The following PTPRD variants were observed in gnomAD, a reference collection of about 807,000 sequenced individuals.
PTPRD encodes the protein protein tyrosine phosphatase receptor type D, also known as receptor-type tyrosine-protein phosphatase delta.
A neutral mutation model predicts 214.5 loss-of-function variants in PTPRD; 34 were observed. That is an observed-to-expected ratio of 0.16 (90% CI 0.12 to 0.21). The LOEUF is 0.21. PTPRD is among the 10% of genes least tolerant of loss of function. The probability of loss-of-function intolerance (pLI) is 1.00; values close to 1 mark genes in which losing one functional copy is unlikely to be tolerated. For missense variants in PTPRD, 2,545 were observed against 2,398.7 expected, an observed-to-expected ratio of 1.06 and a Z score of -1.27; for synonymous variants, 1,128 against 845.7, an observed-to-expected ratio of 1.33 and a Z score of -5.79.
intron 3 of PTPRD, among the ~76,000 whole-genome samples, chr9:10,073,306 G>A (rs1394254393): frequency 6.6e-6 from 1 of 152,056 alleles, no homozygotes; most frequent in East Asian, 1.9e-4. Flanking sequence ...AGTAGGGTGA[G>A]CAGAAGGGGC....
intron 11 of PTPRD, among the ~76,000 whole-genome samples, chr9:8,770,966 T>C (rs933957832): frequency 6.6e-6 from 1 of 151,914 alleles, no homozygotes; most frequent in Non-Finnish European, 1.5e-5. Flanking sequence ...GATCACAAGG[T>C]CAGGAGATTG....
At chr9:8,886,614 C>T (rs1017177701) in intron 11 of PTPRD, among the ~76,000 whole-genome samples, 1 of 152,108 alleles carries the variant, frequency 6.6e-6, no homozygotes, top group Non-Finnish European at 1.5e-5. Flanking sequence ...TTAAATAATT[C>T]AAGTTTTAAA....
chr9:8,449,802 A>G lies in PTPRD; in HGVS notation c.3911T>C (p.Ile1304Thr), dbSNP rs750416132. Residue 1304 changes from isoleucine to threonine, a missense_variant, in exon 34 of 46, where the codon ATA (isoleucine) becomes ACA (threonine). Physicochemically the swap from Ile to Thr is moderately conservative, Grantham distance 89. Coordinates refer to ENST00000381196, the MANE Select transcript of PTPRD (RefSeq NM_002839.4). ...RAESDSRKSS[I>T]PNNKEIPSHH... is the part of the protein sequence containing the mutation. ...TGAAGGGATCTCCTTATTGTTCGGT[A>G]TGCTGCTTTTTCTAGAGTCGGACTC... is the stretch of plus-strand genomic sequence containing the variant. 4 of 1,614,072 alleles carry G rather than the reference A, an allele frequency of 2.5e-6. No homozygotes were observed. The highest frequency in any genetic ancestry group is 8.5e-7 in the Non-Finnish European group (1 of 1,179,948).
chr9:9,192,961 G>C (rs1445210), intron 9 of PTPRD, among the ~76,000 whole-genome samples: 1 of 151,806 alleles, frequency 6.6e-6, no homozygotes, highest in Non-Finnish European at 1.5e-5. Flanking sequence ...TTGCATTTTA[G>C]GTTATTTGAA....
chr9:8,535,811 C>G (rs2076793930), intron 14 of PTPRD, among the ~76,000 whole-genome samples: 1 of 151,880 alleles, frequency 6.6e-6, no homozygotes, highest in African/African-American at 2.4e-5. Context: ...TACAAAGTCT[C>G]CATAAACTAG....
chr9:9,431,358 C>T (rs930151646), intron 8 of PTPRD, among the ~76,000 whole-genome samples: 6 of 152,104 alleles, frequency 3.9e-5, no homozygotes, highest in Non-Finnish European at 7.4e-5. Context: ...AATGAGATAC[C>T]ATCTCACACC....
chr9:10,323,640 ATGAC>A (rs2096594581), intron 3 of PTPRD, among the ~76,000 whole-genome samples: 2 of 151,738 alleles, frequency 1.3e-5, no homozygotes, highest in Admixed American at 1.3e-4. Flanking sequence ...AGTCCACTGA[ATGAC>A]TGAATTTGGC....
At chr9:9,271,597 A>T (rs114181510) in intron 9 of PTPRD, among the ~76,000 whole-genome samples, 1 of 151,426 alleles carries the variant, frequency 6.6e-6, no homozygotes, top group Admixed American at 6.6e-5. Flanking sequence ...AAATCTGGAT[A>T]GCAAGTAGTA....
chr9:9,000,666 T>C (rs1197057440), intron 11 of PTPRD, among the ~76,000 whole-genome samples: 1 of 152,008 alleles, frequency 6.6e-6, no homozygotes, highest in African/African-American at 2.4e-5. Context: ...GCATAATTGA[T>C]GAATTCTACC....
chr9:9,568,613 A>G (rs2085340129), intron 8 of PTPRD, among the ~76,000 whole-genome samples: 2 of 151,954 alleles, frequency 1.3e-5, no homozygotes. Context: ...TCATACATGT[A>G]TGGATTTATA....
chr9:9,283,998 G>T (rs369620633), intron 9 of PTPRD, among the ~76,000 whole-genome samples: 1 of 151,580 alleles, frequency 6.6e-6, no homozygotes, highest in African/African-American at 2.4e-5. Flanking sequence ...ACTCAACCAC[G>T]TTATAATCTT....
intron 8 of PTPRD, among the ~76,000 whole-genome samples, chr9:9,495,297 C>T (rs1348212082): frequency 5.3e-5 from 8 of 150,480 alleles, no homozygotes; most frequent in Non-Finnish European, 1.0e-4. Flanking sequence ...CCAGTAAAAT[C>T]CCACCTTCAA....
chr9:9,093,533 G>C (rs917665461), intron 10 of PTPRD, among the ~76,000 whole-genome samples: 4 of 151,690 alleles, frequency 2.6e-5, no homozygotes, highest in African/African-American at 7.3e-5. Context: ...AAACAATCTA[G>C]AAAATTCCCC....
At chr9:9,828,892 T>C (rs777092761) in intron 5 of PTPRD, among the ~76,000 whole-genome samples, 102 of 151,998 alleles carry the variant, frequency 6.7e-4, no homozygotes, top group Non-Finnish European at 1.2e-3. Context: ...AACTCTATCT[T>C]TATATATGCT....
chr9:8,465,444 G>A, intron 32 of PTPRD, 22 bp downstream of exon 32: 1 of 1,600,590 alleles, frequency 6.2e-7, no homozygotes, highest in Non-Finnish European at 8.6e-7. Flanking sequence ...ATAGGAAACA[G>A]ATGCCATCAT....
At chr9:9,385,917 G>A (rs2063729244) in intron 9 of PTPRD, among the ~76,000 whole-genome samples, 2 of 152,056 alleles carry the variant, frequency 1.3e-5, no homozygotes, top group Non-Finnish European at 2.9e-5. Flanking sequence ...AAAATATGCT[G>A]TATCATAAAA....
intron 2 of PTPRD, among the ~76,000 whole-genome samples, chr9:10,447,562 T>C (rs997745733): frequency 4.6e-5 from 7 of 151,964 alleles, no homozygotes; most frequent in African/African-American, 1.5e-4. Flanking sequence ...CCACCACATC[T>C]CCTGTTTTAG....
chr9:9,510,155 G>C (rs1370664737), intron 8 of PTPRD, among the ~76,000 whole-genome samples: 2 of 151,680 alleles, frequency 1.3e-5, no homozygotes, highest in Non-Finnish European at 3.0e-5. Flanking sequence ...GGGTGGAGTA[G>C]CTTTCTGTTT....
chr9:8,626,681 TAAGG>T (rs2096052596), intron 14 of PTPRD, among the ~76,000 whole-genome samples: 2 of 151,750 alleles, frequency 1.3e-5, no homozygotes, highest in Non-Finnish European at 1.5e-5. Flanking sequence ...GAGCCTCACC[TAAGG>T]AAGGAAGAAC....
Sources: allele counts gnomAD v4.1 joint callset (sites outside exome capture counted in the v4.1 genomes callset), GRCh38; gene constraint gnomAD v4.1.1; transcripts MANE v1.5; gene names NCBI Gene and HGNC (gene_info 2026-07-23, HGNC 2026-07-21).